The following CPM variants were observed in gnomAD, a reference collection of about 807,000 sequenced individuals.
The protein encoded by CPM is renal carboxypeptidase.
In CPM, 35 loss-of-function variants were observed where a neutral mutation model predicts 46.4. The observed-to-expected ratio is 0.75, with a 90% CI of 0.58 to 1.00. The LOEUF is 1.00. Ranked by LOEUF, CPM falls within the 50% of genes least tolerant of loss-of-function variation. The pLI is 0.00. For synonymous variants in CPM, 195 were observed against 195.3 expected (o/e 1.00, Z 0.01); for missense variants, 422 against 530.4 (o/e 0.80, Z 2.01).
At chr12:68,939,047 TATACATAG>T (rs1888718128) in intron 1 of CPM, among the ~76,000 whole-genome samples, 1 of 147,222 alleles carries the variant, frequency 6.8e-6, no homozygotes, top group African/African-American at 2.5e-5. Flanking sequence ...TCTATAAGTA[TATACATAG>T]ATATATGTAC....
At chr12:68,862,753 T>C (rs1157260309) in intron 7 of CPM, among the ~76,000 whole-genome samples, 1 of 151,896 alleles carries the variant, frequency 6.6e-6, no homozygotes, top group Non-Finnish European at 1.5e-5. Flanking sequence ...AGGGAAGTAA[T>C]TGTTTTACCA....
intron 1 of CPM, among the ~76,000 whole-genome samples, chr12:68,947,556 C>A (rs959671687): frequency 2.0e-5 from 3 of 150,762 alleles, no homozygotes; most frequent in African/African-American, 7.3e-5. Context: ...GAGATCGCGC[C>A]ATTGCACTCC....
chr12:68,946,362 A>T (rs1034143241), intron 1 of CPM, among the ~76,000 whole-genome samples: 5 of 152,210 alleles, frequency 3.3e-5, no homozygotes, highest in African/African-American at 7.2e-5. Flanking sequence ...AGGCCTTTTT[A>T]AAAAATTGGC....
At chr12:68,857,245 C>T (rs1454049489) in intron 8 of CPM, among the ~76,000 whole-genome samples, 1 of 151,626 alleles carries the variant, frequency 6.6e-6, no homozygotes, top group Non-Finnish European at 1.5e-5. Flanking sequence ...ATTGCAACCT[C>T]CGCCTCCCGG....
chr12:68,850,584 GTT>G (rs1291550371), downstream of CPM: 1 of 152,188 alleles, frequency 6.6e-6, no homozygotes, highest in Non-Finnish European at 1.5e-5. Context: ...GGTTAGGACT[GTT>G]AGTTTTCCAG....
chr12:68,929,581 C>G (rs184639363), intron 2 of CPM, among the ~76,000 whole-genome samples: 1 of 152,098 alleles, frequency 6.6e-6, no homozygotes, highest in Admixed American at 6.5e-5. Context: ...ATGGCTGAAG[C>G]TGGGTATAGA....
At chr12:68,911,057 A>G (rs1887576047) in intron 2 of CPM, among the ~76,000 whole-genome samples, 1 of 152,226 alleles carries the variant, frequency 6.6e-6, no homozygotes, top group Admixed American at 6.5e-5. Context: ...GATTTGCTAT[A>G]CGGCATCTGG....
chr12:68,858,347 G>A (rs982561280), intron 8 of CPM, among the ~76,000 whole-genome samples: 3 of 152,120 alleles, frequency 2.0e-5, no homozygotes, highest in Non-Finnish European at 4.4e-5. Flanking sequence ...GCTCAAATTA[G>A]TCCATGCCTT....
chr12:68,929,245 G>A (rs1399080705), intron 2 of CPM, among the ~76,000 whole-genome samples: 1 of 152,098 alleles, frequency 6.6e-6, no homozygotes, highest in Admixed American at 6.5e-5. Flanking sequence ...GCTACCTAAT[G>A]GCAGGGAATG....
chr12:68,842,348 T>C, intron 5 of CPM: 1 of 495,624 alleles, frequency 2.0e-6, no homozygotes, highest in Non-Finnish European at 4.0e-6. Context: ...AAAGATGATA[T>C]AACAGTTAAC....
chr12:68,888,637 TTTAAA>T (rs1886532294), intron 2 of CPM, among the ~76,000 whole-genome samples: 1 of 152,232 alleles, frequency 6.6e-6, no homozygotes. Flanking sequence ...TTGTTTTTGT[TTTAAA>T]TCAAGGTTAG....
rs34558850 is a variant in CPM, at chr12:68,921,182, T to A, written c.160+11496A>T. On this transcript the variant is annotated intron_variant, in intron 2 of 8. Coordinates refer to ENST00000551568, the MANE Select transcript of CPM (RefSeq NM_198320.5). ...CAGAGTCTTGCTCTGTCACCCAGGC[T>A]GTAGTGCAGTGGTGTGATCTCGGCT... is the stretch of plus-strand genomic sequence containing the variant. 2.6e-3 allele frequency among the ~76,000 whole-genome samples: 392 copies of A among 151,412 alleles called. 2 individuals are homozygous for A. The highest frequency in any genetic ancestry group is 4.3e-3 in the Non-Finnish European group (295 of 67,826).
intron 1 of CPM, among the ~76,000 whole-genome samples, chr12:68,947,332 C>T (rs939770259): frequency 1.3e-5 from 2 of 152,204 alleles, no homozygotes; most frequent in Non-Finnish European, 2.9e-5. Flanking sequence ...TGCAATGGCT[C>T]ATGCCTGTAA....
At chr12:68,858,132 C>T (rs1480631939) in intron 8 of CPM, among the ~76,000 whole-genome samples, 1 of 152,166 alleles carries the variant, frequency 6.6e-6, no homozygotes, top group Non-Finnish European at 1.5e-5. Context: ...AAAATACCAA[C>T]TCAGTTTTCA....
intron 2 of CPM, among the ~76,000 whole-genome samples, chr12:68,894,374 C>T (rs953849951): frequency 6.6e-6 from 1 of 152,108 alleles, no homozygotes; most frequent in Non-Finnish European, 1.5e-5. Flanking sequence ...TCCAGGACTG[C>T]GTTTTCTTGA....
At position 68,957,320 on chromosome 12, in the gene CPM, AG is replaced by A. The variant is rs1889037524; in HGVS notation, c.-4+5848del. On this transcript the variant is annotated intron_variant, in intron 1 of 8. Transcript: ENST00000546373. ...GTGCTGTGACCAAGCAGTGATTCTC[AG>A]AAAAAAAAAAAAAAAGTGGTCATGG... 5 of 152,648 alleles carry A rather than the reference AG, an allele frequency of 3.3e-5. No homozygotes were observed. The South Asian group carries it at 8.4e-4, about 26-fold the overall frequency. The allele number at this position is 152,648 out of a possible 1,614,324, so 9.5% of individuals were successfully genotyped here.
chr12:68,908,055 C>T (rs1347441637), intron 2 of CPM, among the ~76,000 whole-genome samples: 1 of 152,164 alleles, frequency 6.6e-6, no homozygotes, highest in African/African-American at 2.4e-5. Context: ...TCATGAACTC[C>T]TGACAGGTGA....
intron 1 of CPM, among the ~76,000 whole-genome samples, chr12:68,945,029 A>G (rs1180827996): frequency 6.6e-6 from 1 of 152,094 alleles, no homozygotes; most frequent in Non-Finnish European, 1.5e-5. Flanking sequence ...CAAGAGACCA[A>G]TCTTAAGTTC....
chr12:68,910,022 A>G (rs949804218), intron 2 of CPM, among the ~76,000 whole-genome samples: 7 of 152,054 alleles, frequency 4.6e-5, no homozygotes, highest in African/African-American at 1.7e-4. Context: ...AAGAAGAGGA[A>G]GAAGAGGAGG....
Sources: gnomAD v4.1 joint callset for allele counts (sites outside exome capture counted in the v4.1 genomes callset) on GRCh38, gnomAD v4.1.1 for gene constraint, MANE v1.5 for transcripts, NCBI Gene and HGNC (gene_info 2026-07-23, HGNC 2026-07-21) for gene names.